CROCC: variants seen among roughly 807,000 people sequenced by gnomAD.
CROCC encodes rootletin.
In CROCC, 180 loss-of-function variants were observed where a neutral mutation model predicts 245.2. The observed-to-expected ratio is 0.73, with a 90% CI of 0.65 to 0.83. The LOEUF (loss-of-function observed/expected upper bound fraction) is 0.83. Among genes scored for constraint, CROCC ranks in the 40% least tolerant of loss-of-function variants. The pLI is 0.00. For missense variants in CROCC, 2,688 were observed against 2,779.4 expected (o/e 0.97, Z 0.74); for synonymous variants, 1,205 against 1,241.6 (o/e 0.97, Z 0.62).
intron 1 of CROCC, among the ~76,000 whole-genome samples, 158 bp downstream of exon 1, chr1:16,922,236 G>C (rs1198795055): frequency 6.6e-6 from 1 of 151,794 alleles, no homozygotes; most frequent in Admixed American, 6.5e-5. Flanking sequence ...CTGGCAAGAT[G>C]GGGGGCAGAG....
chr1:16,932,711 G>A (rs2075705242), intron 8 of CROCC, among the ~76,000 whole-genome samples: 1 of 152,254 alleles, frequency 6.6e-6, no homozygotes, highest in African/African-American at 2.4e-5. Context: ...GCTGGTACAG[G>A]GAAAGGAGAG....
In CROCC at chr1:16,968,266, G is replaced by A. The variant is rs761262882; in HGVS notation, c.4924G>A (p.Glu1642Lys). The A allele has an allele frequency of 2.6e-6, 4 of 1,563,996 alleles. No homozygotes were observed. The Admixed American group carries it at 7.6e-5, about 30-fold the overall frequency. Residue 1642 changes from glutamate (E) to lysine (K), a missense_variant, in exon 31 of 37, where the codon GAG (glutamate) becomes AAG (lysine). By Grantham distance (56) the Glu-to-Lys change is moderately conservative. This residue lies in a region of CROCC where 1,218 missense variants were observed against 1,286.3 expected (regional missense o/e 0.95). Transcript: ENST00000375541. Reference sequence around the variant, plus strand: ...GGAGGGCGACAAGCGGCGCCTGAAGGAGGTTCTGGACGCCTCCGAGAGCCG... The same window carrying A: ...GGAGGGCGACAAGCGGCGCCTGAAGAAGGTTCTGGACGCCTCCGAGAGCCG... ...KLEGDKRRLK[E>K]VLDASESRTV...
rs527746856 is a variant in CROCC at position 16,922,188 on chromosome 1, T to A, written c.60+110T>A. 5.5e-4 allele frequency: 636 copies of A among 1,160,852 alleles called. 6 individuals are homozygous for A. The South Asian group carries it at 8.3e-3, about 15-fold the overall frequency. 71.9% of individuals were successfully genotyped at this position (1,160,852 alleles called of 1,614,324 possible). ...GGATCAAGGGGTGGGAGAGGTGTGG[T>A]GGTGGTGGGGTATACAGGGGCCCCC... On this transcript the variant is annotated intron_variant, in intron 1 of 36. Transcript: ENST00000375541.
In CROCC at chr1:16,955,500, C is replaced by G. The variant is rs1208566851; in HGVS notation, c.3654C>G (p.Ser1218=). The change falls in exon 24 of 37, where the codon TCC becomes TCG. Residue 1218 remains serine (S), a synonymous_variant. Coordinates refer to ENST00000375541, the MANE Select transcript of CROCC (RefSeq NM_014675.5). ...AGGAGCGCGAGGCCCTGCGGCGTTC[C>G]AATGAGGAGCTTCGGTCTGCTGTGA... ...GAKEREALRR[S]NEELRSAVKK... is the part of the protein sequence containing the mutation. The G allele has an allele frequency of 3.2e-6, 5 of 1,575,958 alleles. No individual in the cohort carries two copies. Among genetic ancestry groups the G allele is most frequent in the Non-Finnish European group, 4.3e-6 (5 of 1,165,102 alleles).
intron 32 of CROCC, 104 bp from the exon 33 acceptor site, chr1:16,969,681 T>G: frequency 1.4e-6 from 2 of 1,474,972 alleles, no homozygotes; most frequent in South Asian, 1.3e-5. Flanking sequence ...CCAGGTGAGA[T>G]GACTGCCTGT....
chr1:16,924,560 C>G, intron 3 of CROCC, 81 bp downstream of exon 3: 1 of 1,527,244 alleles, frequency 6.5e-7, no homozygotes, highest in Non-Finnish European at 8.9e-7. Context: ...GGCCCACACA[C>G]GGGGCAAAAG....
intron 13 of CROCC, among the ~76,000 whole-genome samples, chr1:16,943,455 G>A (rs1319227937): frequency 6.6e-6 from 1 of 152,036 alleles, no homozygotes; most frequent in Admixed American, 6.6e-5. Context: ...GGAGAATGGC[G>A]TGAACCCGGG....
chr1:16,939,206 G>T lies in CROCC; in HGVS notation c.1608+64G>T, dbSNP rs556244119. 5.6e-5 allele frequency: 73 copies of T among 1,312,864 alleles called. No individual in the cohort carries two copies. The African/African-American group carries it at 1.0e-3, about 19-fold the overall frequency. The allele number at this position is 1,312,864 out of a possible 1,614,324, so 81.3% of individuals were successfully genotyped here. The stretch of plus-strand genomic sequence containing the variant: ...CCTGGGGGAGGGGCTCGCGCCCTCC[G>T]GGTGGGGGCGGGGGCGGGGGCAGGT... On this transcript the variant is annotated intron_variant, in intron 12 of 36. Coordinates refer to ENST00000375541, the MANE Select transcript of CROCC (RefSeq NM_014675.5).
rs749144549 is a variant in CROCC, at chr1:16,969,780, C to T, written c.5302-5C>T. 2 of 1,611,784 alleles carry T rather than the reference C, an allele frequency of 1.2e-6. No individual in the cohort carries two copies. The highest frequency in any genetic ancestry group is 1.7e-5 in the Admixed American group (1 of 59,782). ...AGCCAGGCACCATCAGCCCCTGTCCCCCAGGAACGGCTGGATGCCGCCCGG... is the reference window on the plus strand; with the variant it reads ...AGCCAGGCACCATCAGCCCCTGTCCTCCAGGAACGGCTGGATGCCGCCCGG... On this transcript the variant is annotated splice_polypyrimidine_tract_variant and splice_region_variant and intron_variant, in intron 32 of 36. Coordinates refer to ENST00000375541, the MANE Select transcript of CROCC (RefSeq NM_014675.5).
At chr1:16,939,182 C>T in intron 12 of CROCC, 40 bp downstream of exon 12, 3 of 1,242,544 alleles carry the variant, frequency 2.4e-6, no homozygotes, top group Non-Finnish European at 3.1e-6. Context: ...AGCCAGAGGC[C>T]TGGGGGAGGG....
chr1:16,933,236 C>A (rs1388937589), intron 8 of CROCC, among the ~76,000 whole-genome samples: 1 of 152,192 alleles, frequency 6.6e-6, no homozygotes, highest in Non-Finnish European at 1.5e-5. Flanking sequence ...GAGGCCGAGG[C>A]GGGCGGACCA....
chr1:16,967,751 G>A (rs2076442618), intron 30 of CROCC, among the ~76,000 whole-genome samples: 1 of 152,290 alleles, frequency 6.6e-6, no homozygotes, highest in East Asian at 1.9e-4. Context: ...ATCACCACCT[G>A]AAACCCTAGA....
chr1:16,969,721 C>T, intron 32 of CROCC, 64 bp from the exon 33 acceptor site: 1 of 1,555,298 alleles, frequency 6.4e-7, no homozygotes, highest in South Asian at 1.2e-5. Context: ...TCCAGAGGTA[C>T]AGAATAGAGA....
chr1:16,939,968 C>A lies in CROCC; in HGVS notation c.1683C>A (p.Ser561Arg). ...TLRKQLSDSE[S>R]ERRALEEQLQ... The stretch of plus-strand genomic sequence containing the variant: ...GGAAGCAGCTTAGCGACAGCGAGAG[C>A]GAGCGGCGGGCCCTAGAGGAACAGC... The change falls in exon 13 of 37, where the codon AGC becomes AGA. Residue 561 changes from serine to arginine, a missense_variant. Ser to Arg is a moderately radical substitution (Grantham distance 110). Transcript: ENST00000375541. The A allele has an allele frequency of 1.9e-6, 3 of 1,612,600 alleles. No individual in the cohort carries two copies. Among genetic ancestry groups the A allele is most frequent in the Non-Finnish European group, 2.5e-6 (3 of 1,179,714 alleles).
chr1:16,929,287 T>C (rs2075608773), intron 3 of CROCC, among the ~76,000 whole-genome samples: 1 of 152,284 alleles, frequency 6.6e-6, no homozygotes. Context: ...AGGTCAGATA[T>C]GCATAGACAG....
chr1:16,953,556 T>A, intron 21 of CROCC, 75 bp downstream of exon 21: 1 of 1,397,012 alleles, frequency 7.2e-7, no homozygotes, highest in Admixed American at 2.3e-5. Context: ...GCTCTGCCAC[T>A]TGGCAGCTAG....
chr1:16,924,856 G>C (rs2075496891), intron 3 of CROCC, among the ~76,000 whole-genome samples: 1 of 152,278 alleles, frequency 6.6e-6, no homozygotes, highest in Non-Finnish European at 1.5e-5. Context: ...CGGGCCTTGG[G>C]GTTGAGGCGG....
chr1:16,922,046 G>A lies in CROCC; in HGVS notation c.28G>A (p.Glu10Lys), dbSNP rs752307032. 1.4e-5 allele frequency: 22 copies of A among 1,550,752 alleles called. No homozygotes were observed. Among genetic ancestry groups the A allele is most frequent in the Non-Finnish European group, 1.8e-5 (21 of 1,146,878 alleles). The change falls in exon 1 of 37, where the codon GAG becomes AAG. Residue 10 changes from glutamate (E) to lysine (K), a missense_variant. Around this residue, in one of 9 missense-constraint regions of CROCC, gnomAD observed 972 missense variants for 895.3 expected, o/e 1.09. Transcript: ENST00000375541. MSLGLAGAQ[E>K]VELTLETVIQ... ...GAGCTTGGGGCTGGCGGGGGCACAG[G>A]AGGTGGAGCTGACACTAGAGACGGT...
intron 18 of CROCC, 113 bp downstream of exon 18, chr1:16,948,637 G>A: frequency 6.7e-7 from 1 of 1,489,922 alleles, no homozygotes; most frequent in Non-Finnish European, 8.9e-7. Context: ...AGTCTGGCTT[G>A]CCGACTCGTC....
Sources: gnomAD v4.1 joint callset for allele counts (sites outside exome capture counted in the v4.1 genomes callset) on GRCh38, gnomAD v4.1.1 for gene constraint, gnomAD v4.1.1 regional missense constraint, MANE v1.5 for transcripts, NCBI Gene and HGNC (gene_info 2026-07-23, HGNC 2026-07-21) for gene names.